Variants in GASK1A observed in about 807,000 individuals in gnomAD.
GASK1A encodes the protein Golgi-associated kinase 1A.
GASK1A carries 40 observed loss-of-function variants against 41.2 expected under a neutral mutation model. The ratio of observed to expected loss-of-function variants is 0.97; its 90% CI spans 0.75 to 1.27. The LOEUF is 1.27. GASK1A is among the 50% of genes most tolerant of loss of function. The pLI is 0.00. For missense variants in GASK1A, 678 were observed against 745.1 expected, an observed-to-expected ratio of 0.91 and a Z score of 1.05; for synonymous variants, 316 against 307.1, an observed-to-expected ratio of 1.03 and a Z score of -0.30.
At position 43,033,401 on chromosome 3, in the gene GASK1A, G is replaced by A. The variant is rs752985344; in HGVS notation, c.1138G>A (p.Asp380Asn). The A allele has an allele frequency of 9.0e-6, 14 of 1,551,490 alleles. No individual in the cohort carries two copies. The highest frequency in any genetic ancestry group is 1.7e-4 in the Middle Eastern group (1 of 6,014). Residue 380 changes from aspartate to asparagine, a missense_variant, in exon 2 of 5, where the codon GAC becomes AAC. Transcript: ENST00000430121. Reference sequence around the variant, plus strand: ...GGCACCCGATGTGCAGCACCTGAGCGACCCAGATGAGGATCAGAACTCTCT... The same window carrying A: ...GGCACCCGATGTGCAGCACCTGAGCAACCCAGATGAGGATCAGAACTCTCT... ...WWAPDVQHLS[D>N]PDEDQNSLAL... is the part of the protein sequence containing the mutation.
intron 1 of GASK1A, among the ~76,000 whole-genome samples, chr3:42,981,031 G>A (rs776873570): frequency 6.6e-6 from 1 of 152,204 alleles, no homozygotes; most frequent in African/African-American, 2.4e-5. Flanking sequence ...AGTGCCTGGA[G>A]GAGAGATGGT....
chr3:43,025,525 T>A (rs143684219), intron 1 of GASK1A, among the ~76,000 whole-genome samples: 1 of 152,298 alleles, frequency 6.6e-6, no homozygotes, highest in African/African-American at 2.4e-5. Flanking sequence ...GATAGGTGGA[T>A]CACCTCACTT....
At chr3:43,021,073 G>A (rs1385639715) in intron 1 of GASK1A, among the ~76,000 whole-genome samples, 1 of 152,164 alleles carries the variant, frequency 6.6e-6, no homozygotes, top group Non-Finnish European at 1.5e-5. Context: ...CCCTTGTGGA[G>A]GCAATGGCAG....
intron 1 of GASK1A, among the ~76,000 whole-genome samples, chr3:42,993,727 A>T (rs900227262): frequency 2.0e-5 from 3 of 152,222 alleles, no homozygotes; most frequent in African/African-American, 7.2e-5. Flanking sequence ...CTCCACGGCC[A>T]TTAAAAAATA....
chr3:43,005,175 A>G (rs1251255465), intron 1 of GASK1A, among the ~76,000 whole-genome samples: 4 of 152,148 alleles, frequency 2.6e-5, no homozygotes, highest in Admixed American at 6.5e-5. Flanking sequence ...TCCCCATTTC[A>G]AGACCCTTAA....
At chr3:43,041,294 C>T (rs1411066936) in intron 2 of GASK1A, among the ~76,000 whole-genome samples, 1 of 152,024 alleles carries the variant, frequency 6.6e-6, no homozygotes, top group African/African-American at 2.4e-5. Context: ...CCTGAGGAAT[C>T]GTCACACTGA....
chr3:43,056,098 C>A, intron 4 of GASK1A, 78 bp from the exon 5 acceptor site: 1 of 1,178,644 alleles, frequency 8.5e-7, no homozygotes, highest in Non-Finnish European at 1.2e-6. Context: ...GGCCATCTGG[C>A]ATCACCTGTT....
intron 2 of GASK1A, among the ~76,000 whole-genome samples, chr3:43,041,439 T>C (rs1196924481): frequency 1.3e-5 from 2 of 152,232 alleles, no homozygotes; most frequent in Non-Finnish European, 2.9e-5. Flanking sequence ...AGATGATATC[T>C]CATTGTGGTT....
intron 1 of GASK1A, among the ~76,000 whole-genome samples, chr3:43,005,387 A>G (rs1300265667): frequency 6.6e-6 from 1 of 152,190 alleles, no homozygotes; most frequent in Non-Finnish European, 1.5e-5. Context: ...TTATGTTTTC[A>G]TTTGTGTGTT....
chr3:42,990,349 C>CAAA (rs74270677), intron 1 of GASK1A, among the ~76,000 whole-genome samples: 1 of 108,690 alleles, frequency 9.2e-6, no homozygotes, highest in East Asian at 3.4e-4. Context: ...GACCCCGTCT[C>CAAA]AAAAAAAAAA....
rs60198353 is a variant in GASK1A at position 43,041,059 on chromosome 3, A to C, written c.1290+7506A>C. Among the ~76,000 whole-genome samples the C allele has an allele frequency of 7.3e-4, 110 of 150,174 alleles. 3 individuals are homozygous for C. The East Asian group carries it at 0.019, about 26-fold the overall frequency. On this transcript the variant is annotated intron_variant, in intron 2 of 4. Transcript: ENST00000430121. ...TCCCTACAAAGGACATGAACTCATC[A>C]TTTTTTATGGCTGCATAGTATTCCA... is the stretch of plus-strand genomic sequence containing the variant.
intron 2 of GASK1A, among the ~76,000 whole-genome samples, chr3:43,039,660 C>T (rs1211489557): frequency 3.3e-5 from 5 of 152,144 alleles, no homozygotes; most frequent in Admixed American, 3.3e-4. Flanking sequence ...TTTTTCGATC[C>T]TCTCCCTCCA....
chr3:43,033,544 C>G lies in GASK1A; in HGVS notation c.1281C>G (p.Phe427Leu). The change falls in exon 2 of 5, where the codon TTC becomes TTG. Residue 427 changes from phenylalanine to leucine, a missense_variant. Transcript: ENST00000430121. Reference protein sequence around the residue: ...TEWARLALFDFLLQVHDRLDR... With the variant: ...TEWARLALFDLLLQVHDRLDR... ...GGGCACGCCTGGCGCTCTTCGACTT[C>G]CTGTTGCAGGTAGGTGGGGTTGGGC... is the stretch of plus-strand genomic sequence containing the variant. The G allele has an allele frequency of 1.3e-6, 2 of 1,529,562 alleles. No homozygotes were observed. Among genetic ancestry groups the G allele is most frequent in the Non-Finnish European group, 1.8e-6 (2 of 1,132,888 alleles). The allele number at this position is 1,529,562 out of a possible 1,614,324, so 94.7% of individuals were successfully genotyped here.
Position 43,057,106 on chromosome 3 carries a change from C to T in GASK1A, c.*720C>T, listed in dbSNP as rs1431884597. On this transcript the variant is annotated 3_prime_UTR_variant, in exon 5 of 5. Transcript: ENST00000430121. ...GCTTTGTCAACTCACTATATTTTTA[C>T]TTTATTAACTATATTCTGTATCAGC... 2 of 152,152 alleles carry T rather than the reference C, an allele frequency of 1.3e-5. No homozygotes were observed. Among genetic ancestry groups the T allele is most frequent in the Non-Finnish European group, 2.9e-5 (2 of 68,028 alleles). 9.4% of individuals were successfully genotyped at this position (152,152 alleles called of 1,614,324 possible).
chr3:43,046,926 C>G (rs1226531152), intron 2 of GASK1A, among the ~76,000 whole-genome samples: 1 of 152,220 alleles, frequency 6.6e-6, no homozygotes, highest in Non-Finnish European at 1.5e-5. Flanking sequence ...TGTGGCTGCA[C>G]AGAAGACAAG....
intron 2 of GASK1A, among the ~76,000 whole-genome samples, chr3:43,036,114 T>G (rs1018990351): frequency 6.6e-6 from 1 of 152,230 alleles, no homozygotes; most frequent in Non-Finnish European, 1.5e-5. Flanking sequence ...CTCTCAGGGT[T>G]GCAGCGTGGG....
At chr3:43,050,475 A>G (rs1022783372) in intron 2 of GASK1A, among the ~76,000 whole-genome samples, 1 of 152,042 alleles carries the variant, frequency 6.6e-6, no homozygotes, top group Admixed American at 6.6e-5. Context: ...CTGGCTTTTG[A>G]CAGTTTTATT....
chr3:43,011,725 A>G (rs1265094857), intron 1 of GASK1A, among the ~76,000 whole-genome samples: 1 of 148,566 alleles, frequency 6.7e-6, no homozygotes, highest in Non-Finnish European at 1.5e-5. Context: ...GAAAGGGGCT[A>G]CGTGACATCA....
At chr3:42,987,816 TG>T (rs1169932213) in intron 1 of GASK1A, among the ~76,000 whole-genome samples, 1 of 151,682 alleles carries the variant, frequency 6.6e-6, no homozygotes, top group Admixed American at 6.6e-5. Flanking sequence ...CTGGCCAACA[TG>T]GTGAAACCCC....
Sources: allele counts gnomAD v4.1 joint callset (sites outside exome capture counted in the v4.1 genomes callset), GRCh38; gene constraint gnomAD v4.1.1; transcripts MANE v1.5; gene names NCBI Gene and HGNC (gene_info 2026-07-23, HGNC 2026-07-21).